Variants in NRCAM observed in about 807,000 individuals in gnomAD.
The protein encoded by NRCAM is NgCAM-related cell adhesion molecule.
Under a neutral mutation model 156.5 loss-of-function variants are expected in NRCAM, and 83 were observed. The observed-to-expected ratio is 0.53, with a 90% CI of 0.44 to 0.64. The LOEUF is 0.64. NRCAM is among the 30% of genes least tolerant of loss of function. The pLI is 0.00. For missense variants in NRCAM, 1,417 were observed against 1,597.3 expected (o/e 0.89, Z 1.92); for synonymous variants, 538 against 563.9 (o/e 0.95, Z 0.65).
chr7:108,160,569 A>T (rs896439812), intron 30 of NRCAM, 77 bp from the exon 31 acceptor site: 7 of 1,359,184 alleles, frequency 5.2e-6, no homozygotes, highest in Admixed American at 5.1e-5. Flanking sequence ...CAGAGTAAAA[A>T]ATTGCCACGT....
At chr7:108,253,811 C>A (rs1390491055) in intron 3 of NRCAM, among the ~76,000 whole-genome samples, 1 of 152,070 alleles carries the variant, frequency 6.6e-6, no homozygotes, top group African/African-American at 2.4e-5. Flanking sequence ...AGACTGATGG[C>A]AAATAGGCAT....
chr7:108,315,292 C>T (rs1214325847), intron 2 of NRCAM, among the ~76,000 whole-genome samples: 2 of 151,912 alleles, frequency 1.3e-5, no homozygotes. Context: ...CTGCCTTTGA[C>T]ATGATCCTTG....
chr7:108,268,636 T>TGGGAG (rs2097206776), intron 3 of NRCAM, among the ~76,000 whole-genome samples: 1 of 8,492 alleles, frequency 1.2e-4, no homozygotes, highest in Non-Finnish European at 2.2e-4. Flanking sequence ...GGGGGGGGGT[T>TGGGAG]GGGGGGGGCG....
At chr7:108,353,012 A>G (rs912088279) in intron 2 of NRCAM, among the ~76,000 whole-genome samples, 1 of 151,416 alleles carries the variant, frequency 6.6e-6, no homozygotes, top group African/African-American at 2.4e-5. Flanking sequence ...TTTCCCACAC[A>G]TGTATTTTTT....
At chr7:108,163,443 C>T (rs940657646) in intron 30 of NRCAM, among the ~76,000 whole-genome samples, 16 of 152,098 alleles carry the variant, frequency 1.1e-4, no homozygotes, top group East Asian at 7.7e-4. Flanking sequence ...TTGTTCTCTA[C>T]TATTTATGAA....
chr7:108,185,047 A>AT (rs917350545), intron 20 of NRCAM, among the ~76,000 whole-genome samples: 1 of 152,090 alleles, frequency 6.6e-6, no homozygotes, highest in Admixed American at 6.5e-5. Flanking sequence ...AGATGATCAA[A>AT]TTTTTTTCAT....
intron 32 of NRCAM, among the ~76,000 whole-genome samples, chr7:108,151,758 G>A (rs2041797156): frequency 6.6e-6 from 1 of 152,110 alleles, no homozygotes; most frequent in Non-Finnish European, 1.5e-5. Flanking sequence ...CAACATCTCT[G>A]GGGTTTAATT....
rs79313268 is a variant in NRCAM at position 108,412,450 on chromosome 7, T to C, written c.-331-12857A>G. Among the ~76,000 whole-genome samples, 150 of 152,322 alleles carry C rather than the reference T, an allele frequency of 9.8e-4. 2 individuals carry two copies. In the East Asian group the frequency reaches 0.023, roughly 23 times the overall value. Reference sequence around the variant, plus strand: ...ATTTTTATGGACAAAATTGTATATATTTATAATGTACAACATTATGTTTTG... The same window carrying C: ...ATTTTTATGGACAAAATTGTATATACTTATAATGTACAACATTATGTTTTG... On this transcript the variant is annotated intron_variant, in intron 1 of 32. Transcript: ENST00000379028.
intron 3 of NRCAM, among the ~76,000 whole-genome samples, chr7:108,277,953 C>G (rs2097703927): frequency 6.6e-6 from 1 of 152,178 alleles, no homozygotes; most frequent in African/African-American, 2.4e-5. Flanking sequence ...GATGTTGATG[C>G]TATTGCTTCC....
chr7:108,220,465 C>T (rs1194505013), intron 11 of NRCAM, among the ~76,000 whole-genome samples: 19 of 152,256 alleles, frequency 1.2e-4, no homozygotes, highest in Admixed American at 2.6e-4. Context: ...AGGCCATGGT[C>T]ACCAAAACAG....
At chr7:108,264,766 A>T (rs1037406809) in intron 3 of NRCAM, among the ~76,000 whole-genome samples, 3 of 152,206 alleles carry the variant, frequency 2.0e-5, no homozygotes, top group African/African-American at 7.2e-5. Context: ...CTAACCAGAA[A>T]TCAGAGCCTG....
At chr7:108,307,039 C>A (rs2098725681) in intron 3 of NRCAM, among the ~76,000 whole-genome samples, 1 of 152,160 alleles carries the variant, frequency 6.6e-6, no homozygotes. Context: ...CTCCTATGAA[C>A]ATCATAGTTT....
At chr7:108,449,744 G>A (rs1848229835) in intron 1 of NRCAM, among the ~76,000 whole-genome samples, 1 of 152,128 alleles carries the variant, frequency 6.6e-6, no homozygotes. Context: ...CATGAAATTA[G>A]CTTTAAAGTT....
chr7:108,316,498 G>A (rs781756929), intron 2 of NRCAM, among the ~76,000 whole-genome samples: 10 of 152,076 alleles, frequency 6.6e-5, no homozygotes, highest in Non-Finnish European at 1.5e-4. Context: ...AGTTCAGGCC[G>A]GGCACGGTGG....
intron 3 of NRCAM, among the ~76,000 whole-genome samples, chr7:108,244,695 A>G (rs1266693239): frequency 1.3e-5 from 2 of 152,218 alleles, no homozygotes; most frequent in African/African-American, 2.4e-5. Context: ...AACTGTGAGA[A>G]GCTTTAAGGA....
At chr7:108,421,223 T>C (rs1031076642) in intron 1 of NRCAM, among the ~76,000 whole-genome samples, 3 of 152,154 alleles carry the variant, frequency 2.0e-5, no homozygotes, top group Non-Finnish European at 2.9e-5. Context: ...TAATATCTTA[T>C]GTTAGATGGA....
chr7:108,416,921 C>T (rs1802255935), intron 1 of NRCAM, among the ~76,000 whole-genome samples: 1 of 152,240 alleles, frequency 6.6e-6, no homozygotes, highest in South Asian at 2.1e-4. Flanking sequence ...CCTCCCATTT[C>T]AGATCCATGC....
At chr7:108,302,029 C>T (rs919778455) in intron 3 of NRCAM, among the ~76,000 whole-genome samples, 4 of 151,414 alleles carry the variant, frequency 2.6e-5, no homozygotes, top group Admixed American at 2.6e-4. Flanking sequence ...AACTGATCAC[C>T]CTTTCTAAAT....
At chr7:108,255,400 G>C (rs148777361) in intron 3 of NRCAM, among the ~76,000 whole-genome samples, 1 of 152,172 alleles carries the variant, frequency 6.6e-6, no homozygotes, top group Non-Finnish European at 1.5e-5. Flanking sequence ...GCTCCTGACC[G>C]CGAGTGATCT....
Sources: allele counts gnomAD v4.1 joint callset (sites outside exome capture counted in the v4.1 genomes callset), GRCh38; gene constraint gnomAD v4.1.1; transcripts MANE v1.5; gene names NCBI Gene and HGNC (gene_info 2026-07-23, HGNC 2026-07-21).